The following FSTL4 variants were observed in gnomAD, a reference collection of about 807,000 sequenced individuals.
The protein encoded by FSTL4 is follistatin like 4, also known as follistatin-related protein 4.
In FSTL4, 28 loss-of-function variants were observed where a neutral mutation model predicts 78.2. That is an observed-to-expected ratio of 0.36 (90% CI 0.27 to 0.49). FSTL4 has a LOEUF of 0.49. Ranked by LOEUF, FSTL4 falls within the 20% of genes least tolerant of loss-of-function variation. The pLI is 0.98. For missense variants in FSTL4, 922 were observed against 1,084.9 expected, an observed-to-expected ratio of 0.85 and a Z score of 2.11; for synonymous variants, 422 against 440.5, an observed-to-expected ratio of 0.96 and a Z score of 0.53.
At chr5:133,806,108 C>A in the FSTL4 span, among the ~76,000 whole-genome samples, 2 of 152,088 alleles carry the variant, frequency 1.3e-5, no homozygotes, top group African/African-American at 4.8e-5. Flanking sequence ...GCCCGCAAAA[C>A]AAATTTATTT....
At chr5:133,431,573 G>A (rs1756939458) in intron 3 of FSTL4, among the ~76,000 whole-genome samples, 1 of 152,156 alleles carries the variant, frequency 6.6e-6, no homozygotes, top group Admixed American at 6.5e-5. Flanking sequence ...AGATGTGTGG[G>A]TAACACTGGA....
chr5:133,496,705 C>T lies in FSTL4; in HGVS notation c.160+70481G>A, dbSNP rs542562977. 2.0e-5 allele frequency among the ~76,000 whole-genome samples: 3 copies of T among 152,318 alleles called. 1 individual carries two copies. In the South Asian group the frequency reaches 6.2e-4, roughly 32 times the overall value. On this transcript the variant is annotated intron_variant, in intron 3 of 15. Coordinates refer to ENST00000265342, the MANE Select transcript of FSTL4 (RefSeq NM_015082.2). ...GTGAGGGAGGTGATCCTGGCCTGCT[C>T]TTCCCCTGCCTTTGCCCCATTCTGA...
At chr5:133,687,412 C>T in the FSTL4 span, among the ~76,000 whole-genome samples, 7 of 152,164 alleles carry the variant, frequency 4.6e-5, no homozygotes, top group Admixed American at 3.3e-4. Flanking sequence ...AAAACAAAGC[C>T]GCAGCCCTCT....
chr5:133,691,682 G>A, the FSTL4 span, among the ~76,000 whole-genome samples: 3 of 152,122 alleles, frequency 2.0e-5, no homozygotes, highest in South Asian at 2.1e-4. Flanking sequence ...TGAATGGAGG[G>A]AGGGTTACCT....
chr5:133,757,915 C>A, the FSTL4 span, among the ~76,000 whole-genome samples: 1 of 152,194 alleles, frequency 6.6e-6, no homozygotes, highest in African/African-American at 2.4e-5. Context: ...GGCAGTCAAT[C>A]TCACTGCTAT....
At chr5:133,224,288 C>A in intron 10 of FSTL4, 72 bp from the exon 11 acceptor site, 1 of 1,148,142 alleles carries the variant, frequency 8.7e-7, no homozygotes, top group South Asian at 1.3e-5. Context: ...AGTGTTAAAC[C>A]GTCACTGCAG....
At chr5:133,778,719 G>C in the FSTL4 span, among the ~76,000 whole-genome samples, 3 of 152,166 alleles carry the variant, frequency 2.0e-5, no homozygotes, top group African/African-American at 4.8e-5. Flanking sequence ...CCTTTGAAAG[G>C]CCTCAGAATT....
the FSTL4 span, among the ~76,000 whole-genome samples, chr5:133,771,017 A>G: frequency 6.6e-6 from 1 of 152,128 alleles, no homozygotes; most frequent in East Asian, 1.9e-4. Flanking sequence ...AACTTTGTTG[A>G]AGATCAGTTG....
upstream of FSTL4, among the ~76,000 whole-genome samples, chr5:133,616,310 A>AATCTATATCTATCT (rs1554073701): frequency 4.1e-5 from 6 of 147,162 alleles, no homozygotes; most frequent in African/African-American, 1.5e-4. Context: ...TGAAAATCTA[A>AATCTATATCTATCT]ATCTATCTAT....
the FSTL4 span, among the ~76,000 whole-genome samples, chr5:133,774,614 T>C: frequency 6.6e-6 from 1 of 152,232 alleles, no homozygotes; most frequent in Non-Finnish European, 1.5e-5. Context: ...TCTTAAAATT[T>C]GTTTGCTGGT....
At chr5:133,768,414 G>A in the FSTL4 span, among the ~76,000 whole-genome samples, 1 of 152,128 alleles carries the variant, frequency 6.6e-6, no homozygotes, top group Non-Finnish European at 1.5e-5. Context: ...ATTCTCAAAG[G>A]GCTCCATGAA....
At chr5:133,779,512 G>C in the FSTL4 span, among the ~76,000 whole-genome samples, 1 of 152,134 alleles carries the variant, frequency 6.6e-6, no homozygotes, top group Non-Finnish European at 1.5e-5. Context: ...CTTGAACCTG[G>C]GAGGCGGAGG....
chr5:133,220,513 G>A (rs575655757), intron 12 of FSTL4, among the ~76,000 whole-genome samples: 4 of 152,334 alleles, frequency 2.6e-5, no homozygotes, highest in Admixed American at 2.6e-4. Flanking sequence ...AAACCCATTT[G>A]TACCACCTGG....
intron 2 of FSTL4, among the ~76,000 whole-genome samples, chr5:133,575,608 T>G (rs547061915): frequency 3.9e-5 from 6 of 152,308 alleles, no homozygotes; most frequent in African/African-American, 1.2e-4. Context: ...CCTCAATTAT[T>G]GAGGCTAAAT....
At chr5:133,700,547 G>C in the FSTL4 span, among the ~76,000 whole-genome samples, 2 of 152,254 alleles carry the variant, frequency 1.3e-5, no homozygotes, top group Non-Finnish European at 2.9e-5. Flanking sequence ...GTGCCTGATG[G>C]GGCAGGTGCT....
chr5:133,279,938 T>C (rs533449194), intron 6 of FSTL4, among the ~76,000 whole-genome samples: 3 of 152,300 alleles, frequency 2.0e-5, no homozygotes, highest in South Asian at 4.1e-4. Context: ...CCTGTGAAGA[T>C]GGAGGCAGAC....
chr5:133,231,932 A>G (rs1468586478), intron 8 of FSTL4, among the ~76,000 whole-genome samples: 2 of 152,220 alleles, frequency 1.3e-5, no homozygotes, highest in East Asian at 1.9e-4. Context: ...ACCATTCCCA[A>G]TGTGAAAGGC....
chr5:133,400,464 G>A (rs1756193668), intron 4 of FSTL4, among the ~76,000 whole-genome samples: 1 of 152,162 alleles, frequency 6.6e-6, no homozygotes, highest in African/African-American at 2.4e-5. Context: ...CCTGTTGCCT[G>A]GTCCCTAGTG....
chr5:133,211,226 C>T (rs1750702161), intron 13 of FSTL4, among the ~76,000 whole-genome samples: 1 of 152,192 alleles, frequency 6.6e-6, no homozygotes, highest in Non-Finnish European at 1.5e-5. Context: ...CTGTTTTCTA[C>T]TTCTTATAGA....
Sources: allele counts gnomAD v4.1 joint callset (sites outside exome capture counted in the v4.1 genomes callset), GRCh38; gene constraint gnomAD v4.1.1; transcripts MANE v1.5; gene names NCBI Gene and HGNC (gene_info 2026-07-23, HGNC 2026-07-21).